ASNS: variants seen among roughly 807,000 people sequenced by gnomAD.
The protein encoded by ASNS is asparagine synthetase [glutamine-hydrolyzing].
In ASNS, 37 loss-of-function variants were observed where a neutral mutation model predicts 62.6. The observed-to-expected ratio is 0.59, with a 90% CI of 0.45 to 0.78. ASNS has a LOEUF of 0.78. ASNS is among the 30% of genes least tolerant of loss of function. The pLI is 0.00. For missense variants in ASNS, 520 were observed against 682.4 expected, an observed-to-expected ratio of 0.76 and a Z score of 2.65; for synonymous variants, 207 against 237.9, an observed-to-expected ratio of 0.87 and a Z score of 1.19.
chr7:97,916,960 T>C, the ASNS span, among the ~76,000 whole-genome samples: 3 of 152,050 alleles, frequency 2.0e-5, no homozygotes, highest in African/African-American at 4.8e-5. Flanking sequence ...GGCTGAAGTG[T>C]CCTACCCCAC....
chr7:97,853,081 T>TA lies in ASNS; in HGVS notation c.1454dup (p.Leu485PhefsTer6), dbSNP rs1791259812. ...ATACCTGATGTTCAACGTATTCCTG[T>TA]AAAATCTTAAACCAGGAATTCTTAA... is the stretch of plus-strand genomic sequence containing the variant. On this transcript the variant is annotated frameshift_variant, in exon 12 of 13. Coordinates refer to ENST00000394308, the MANE Select transcript of ASNS (RefSeq NM_001673.5). LOFTEE classifies it high-confidence loss of function. The TA allele has an allele frequency of 6.3e-7, 1 of 1,586,560 alleles. No homozygotes were observed.
At chr7:97,889,927 C>CAAAAA in the ASNS span, among the ~76,000 whole-genome samples, 55 of 38,562 alleles carry the variant, frequency 1.4e-3, no homozygotes, top group African/African-American at 1.7e-3. Context: ...ATAATGAATA[C>CAAAAA]AAAAAAAAAA....
chr7:97,889,927 CAAAAAAAAAAAA>C, the ASNS span, among the ~76,000 whole-genome samples: 12 of 38,560 alleles, frequency 3.1e-4, no homozygotes, highest in East Asian at 1.2e-3. Flanking sequence ...ATAATGAATA[CAAAAAAAAAAAA>C]AAAAAAAAAA....
At chr7:97,863,831 G>C (rs1172970283) in intron 4 of ASNS, 1 of 161,462 alleles carries the variant, frequency 6.2e-6, no homozygotes, top group Non-Finnish European at 1.4e-5. Flanking sequence ...AAAAACCACT[G>C]AACTGTATAC....
the ASNS span, among the ~76,000 whole-genome samples, chr7:97,906,243 CCCACCACCACCACCA>C: frequency 6.6e-6 from 1 of 151,742 alleles, no homozygotes; most frequent in African/African-American, 2.4e-5. Context: ...CTACCAGTTT[CCCACCACCACCACCA>C]CCACCACCAC....
chr7:97,923,366 G>A, the ASNS span, among the ~76,000 whole-genome samples: 1 of 152,002 alleles, frequency 6.6e-6, no homozygotes, highest in Non-Finnish European at 1.5e-5. Context: ...AAGGTGGGCC[G>A]ATCACTTGAG....
At chr7:97,921,621 C>T in the ASNS span, among the ~76,000 whole-genome samples, 1 of 152,184 alleles carries the variant, frequency 6.6e-6, no homozygotes, top group Non-Finnish European at 1.5e-5. Flanking sequence ...AGTGTGCAGA[C>T]GTGAGGGTCT....
At chr7:97,856,363 A>G (rs924259992) in intron 8 of ASNS, among the ~76,000 whole-genome samples, 2 of 152,210 alleles carry the variant, frequency 1.3e-5, no homozygotes, top group African/African-American at 4.8e-5. Context: ...AAAAAGACCT[A>G]TTTCCTCACT....
At chr7:97,919,707 C>G in the ASNS span, among the ~76,000 whole-genome samples, 6 of 152,084 alleles carry the variant, frequency 3.9e-5, no homozygotes, top group Non-Finnish European at 8.8e-5. Flanking sequence ...GGTGCACAGT[C>G]AGGGGTGGCA....
the ASNS span, among the ~76,000 whole-genome samples, chr7:97,889,457 C>T: frequency 3.3e-5 from 5 of 152,158 alleles, no homozygotes; most frequent in East Asian, 1.9e-4. Context: ...GCAGAGGTTG[C>T]GGTGAGCTGA....
chr7:97,895,496 C>T, the ASNS span, among the ~76,000 whole-genome samples: 1 of 152,168 alleles, frequency 6.6e-6, no homozygotes, highest in Non-Finnish European at 1.5e-5. Flanking sequence ...TACCAAAAAA[C>T]TCTTAAAATA....
the ASNS span, among the ~76,000 whole-genome samples, chr7:97,914,183 G>A: frequency 6.6e-6 from 1 of 151,612 alleles, no homozygotes; most frequent in African/African-American, 2.4e-5. Flanking sequence ...TGGATGGATG[G>A]ATGGATGGAT....
the ASNS span, among the ~76,000 whole-genome samples, chr7:97,912,565 CTTTTTT>C: frequency 2.7e-3 from 114 of 41,478 alleles, 1 homozygote; most frequent in East Asian, 0.039. Context: ...GTTAACTTTG[CTTTTTT>C]TTTTTTTTTT....
At chr7:97,921,337 C>T in the ASNS span, among the ~76,000 whole-genome samples, 12 of 152,306 alleles carry the variant, frequency 7.9e-5, no homozygotes, top group South Asian at 2.1e-3. Context: ...AATAGTTCAG[C>T]TTTGCAGGCC....
chr7:97,867,183 G>T (rs539285385), intron 3 of ASNS, among the ~76,000 whole-genome samples: 1 of 149,626 alleles, frequency 6.7e-6, no homozygotes, highest in Non-Finnish European at 1.5e-5. Context: ...CAGGGAGAGG[G>T]CCTGCTCTTT....
chr7:97,905,019 T>C, the ASNS span, among the ~76,000 whole-genome samples: 1 of 152,168 alleles, frequency 6.6e-6, no homozygotes, highest in Non-Finnish European at 1.5e-5. Context: ...GTTCTCACCA[T>C]CAATGTGCAG....
intron 7 of ASNS, 53 bp from the exon 8 acceptor site, chr7:97,856,869 G>A: frequency 5.3e-6 from 8 of 1,502,806 alleles, no homozygotes; most frequent in Non-Finnish European, 6.3e-6. Context: ...AACTTCCCTT[G>A]AAAATCAAAC....
chr7:97,898,311 C>T, the ASNS span: 3 of 446,918 alleles, frequency 6.7e-6, no homozygotes, highest in Admixed American at 3.3e-5. Context: ...AATAGGACTT[C>T]TTATTTGCTA....
At chr7:97,924,123 A>T in the ASNS span, among the ~76,000 whole-genome samples, 1 of 152,060 alleles carries the variant, frequency 6.6e-6, no homozygotes, top group East Asian at 1.9e-4. Context: ...GCCCAGGGCA[A>T]CACAGCCCGC....
Sources: allele counts gnomAD v4.1 joint callset (sites outside exome capture counted in the v4.1 genomes callset), GRCh38; gene constraint gnomAD v4.1.1; transcripts MANE v1.5; gene names NCBI Gene and HGNC (gene_info 2026-07-23, HGNC 2026-07-21).